The following CDH8 variants were observed in gnomAD, a reference collection of about 807,000 sequenced individuals.
CDH8 encodes the protein cadherin-8.
CDH8 carries 17 observed loss-of-function variants against 68.1 expected under a neutral mutation model. The ratio of observed to expected loss-of-function variants is 0.25; its 90% confidence interval spans 0.17 to 0.37. CDH8 has a LOEUF of 0.37. Among genes scored for constraint, CDH8 ranks in the 10% least tolerant of loss-of-function variants. The probability of loss-of-function intolerance (pLI) is 1.00; values close to 1 mark genes in which losing one functional copy is unlikely to be tolerated. For synonymous variants in CDH8, 372 were observed against 365.1 expected, an observed-to-expected ratio of 1.02 and a Z score of -0.21; for missense variants, 763 against 999.3, an observed-to-expected ratio of 0.76 and a Z score of 3.19.
intron 4 of CDH8, among the ~76,000 whole-genome samples, chr16:61,825,416 T>C (rs935498681): frequency 2.6e-5 from 4 of 151,862 alleles, no homozygotes; most frequent in African/African-American, 2.4e-5. Flanking sequence ...AAAAAGAACT[T>C]GCAAAAATAT....
chr16:61,670,724 A>C (rs1330095108), intron 10 of CDH8, among the ~76,000 whole-genome samples: 2 of 151,928 alleles, frequency 1.3e-5, no homozygotes, highest in Non-Finnish European at 2.9e-5. Flanking sequence ...ACCCCAGGAG[A>C]TACATGAAAC....
rs548393714 is a variant in CDH8, at chr16:61,690,243, T to G, written c.1654+23598A>C. Among the ~76,000 whole-genome samples, 6 of 152,160 alleles carry G rather than the reference T, an allele frequency of 3.9e-5. No individual in the cohort carries two copies. The East Asian group carries it at 1.2e-3, about 29-fold the overall frequency. ...TTGAGAAGGAGGTCTAAAGATAGAT[T>G]CTAAAGGTTAATAATTCCTCTATTT... On this transcript the variant is annotated intron_variant, in intron 10 of 11. Coordinates refer to ENST00000577390, the MANE Select transcript of CDH8 (RefSeq NM_001796.5).
At chr16:61,711,543 T>C (rs565094749) in intron 10 of CDH8, 78 of 151,920 alleles carry the variant, frequency 5.1e-4, no homozygotes, top group Admixed American at 3.4e-3. Context: ...TTCTTTTCAT[T>C]ATTTTGTTTC....
intron 9 of CDH8, among the ~76,000 whole-genome samples, chr16:61,715,095 G>C (rs1315103622): frequency 1.3e-5 from 2 of 151,408 alleles, no homozygotes; most frequent in African/African-American, 4.8e-5. Context: ...ATTTACTTGA[G>C]GCAAAAATAA....
intron 4 of CDH8, among the ~76,000 whole-genome samples, chr16:61,837,685 G>A (rs1298119221): frequency 9.9e-5 from 15 of 152,046 alleles, no homozygotes; most frequent in Admixed American, 9.8e-4. Flanking sequence ...TTATAAAACA[G>A]AGAGAGTGTT....
intron 8 of CDH8, among the ~76,000 whole-genome samples, chr16:61,782,385 T>G (rs577537566): frequency 6.6e-6 from 1 of 152,084 alleles, no homozygotes; most frequent in African/African-American, 2.4e-5. Flanking sequence ...TCAGACCGGC[T>G]TAAAAAACGG....
chr16:61,691,359 T>TA (rs1964218729), intron 10 of CDH8, among the ~76,000 whole-genome samples: 1 of 143,632 alleles, frequency 7.0e-6, no homozygotes, highest in Non-Finnish European at 1.5e-5. Context: ...ATGTGCATTA[T>TA]CTTTTTTTTT....
At position 61,759,882 on chromosome 16, in the gene CDH8, T is replaced by C. The variant is rs138553118; in HGVS notation, c.1414+29464A>G. Among the ~76,000 whole-genome samples, 167 of 152,316 alleles carry C rather than the reference T, an allele frequency of 1.1e-3. 1 individual carries two copies. Among genetic ancestry groups the C allele is most frequent in the African/African-American group, 3.7e-3 (155 of 41,566 alleles). On this transcript the variant is annotated intron_variant, in intron 8 of 11. Transcript: ENST00000577390. ...TGAATAAGTAATTGAAGATGACAGA[T>C]GCAACGAATGTTGTGTCAATATCAG...
At chr16:61,970,161 C>T (rs1008553505) in intron 2 of CDH8, among the ~76,000 whole-genome samples, 6 of 152,070 alleles carry the variant, frequency 3.9e-5, no homozygotes, top group Non-Finnish European at 8.8e-5. Flanking sequence ...TGCCATAATC[C>T]ATGTACTCTG....
chr16:61,724,702 C>T (rs75685206), intron 9 of CDH8, among the ~76,000 whole-genome samples: 346 of 150,724 alleles, frequency 2.3e-3, no homozygotes, highest in African/African-American at 7.6e-3. Context: ...ATGGCTCATT[C>T]GGTTTTTTGA....
chr16:61,981,473 A>G (rs1965527150), intron 2 of CDH8, among the ~76,000 whole-genome samples: 2 of 152,160 alleles, frequency 1.3e-5, no homozygotes, highest in African/African-American at 4.8e-5. Flanking sequence ...TATACTCACC[A>G]TCAATTAAAT....
chr16:61,890,003 G>C (rs1444278272), intron 3 of CDH8, among the ~76,000 whole-genome samples: 1 of 152,122 alleles, frequency 6.6e-6, no homozygotes, highest in Admixed American at 6.6e-5. Context: ...TCAAGTACCA[G>C]AACATTACTT....
chr16:61,710,592 G>A (rs1964612568), intron 10 of CDH8, among the ~76,000 whole-genome samples: 1 of 151,976 alleles, frequency 6.6e-6, no homozygotes, highest in Admixed American at 6.6e-5. Context: ...ACTAAATCCA[G>A]GTCCCCTGTC....
intron 10 of CDH8, among the ~76,000 whole-genome samples, chr16:61,682,883 A>C (rs2142805183): frequency 6.6e-6 from 1 of 152,098 alleles, no homozygotes; most frequent in East Asian, 1.9e-4. Context: ...AGTTCTACAC[A>C]AAACGATTCC....
At chr16:61,915,501 A>T (rs1964224659) in intron 2 of CDH8, among the ~76,000 whole-genome samples, 2 of 152,222 alleles carry the variant, frequency 1.3e-5, no homozygotes, top group African/African-American at 4.8e-5. Flanking sequence ...TCTCAAGCCC[A>T]TGCCTGTTTC....
chr16:61,959,809 ATCTC>A (rs1157918620), intron 2 of CDH8, among the ~76,000 whole-genome samples: 8 of 138,530 alleles, frequency 5.8e-5, no homozygotes, highest in Admixed American at 2.9e-4. Flanking sequence ...ACCTTAACAA[ATCTC>A]TCTCTCTCTG....
chr16:61,730,952 G>A (rs1016151258), intron 8 of CDH8, among the ~76,000 whole-genome samples: 1 of 151,640 alleles, frequency 6.6e-6, no homozygotes, highest in Non-Finnish European at 1.5e-5. Context: ...ACTGGTGAAA[G>A]TTTTTTTAAA....
chr16:61,724,789 A>G (rs1157275639), intron 9 of CDH8, among the ~76,000 whole-genome samples: 2 of 150,968 alleles, frequency 1.3e-5, no homozygotes, highest in African/African-American at 4.8e-5. Flanking sequence ...TTTGTGTGGT[A>G]TTATGAGAGA....
At chr16:61,775,453 G>T (rs551411986) in intron 8 of CDH8, among the ~76,000 whole-genome samples, 23 of 151,976 alleles carry the variant, frequency 1.5e-4, no homozygotes, top group African/African-American at 5.5e-4. Context: ...TTATTAAAAA[G>T]AAAAAATATG....
Sources: gnomAD v4.1 joint callset for allele counts (sites outside exome capture counted in the v4.1 genomes callset) on GRCh38, gnomAD v4.1.1 for gene constraint, MANE v1.5 for transcripts, NCBI Gene and HGNC (gene_info 2026-07-23, HGNC 2026-07-21) for gene names.